The following CNTN4 variants were observed in gnomAD, a reference collection of about 807,000 sequenced individuals.
CNTN4 encodes contactin-4.
A neutral mutation model predicts 122.5 loss-of-function variants in CNTN4; 77 were observed. The ratio of observed to expected loss-of-function variants is 0.63; its 90% CI spans 0.52 to 0.76. The LOEUF (loss-of-function observed/expected upper bound fraction) is 0.76, where lower values mean the gene tolerates loss of function less well. CNTN4 is among the 30% of genes least tolerant of loss of function. The pLI is 0.00. For missense variants in CNTN4, 1,256 were observed against 1,259.1 expected, an observed-to-expected ratio of 1.00 and a Z score of 0.04; for synonymous variants, 512 against 447.0, an observed-to-expected ratio of 1.15 and a Z score of -1.83.
intron 4 of CNTN4, among the ~76,000 whole-genome samples, chr3:2,608,974 T>C (rs1034072443): frequency 2.6e-5 from 4 of 152,212 alleles, no homozygotes; most frequent in African/African-American, 7.2e-5. Flanking sequence ...TCTCCTTTCA[T>C]CTTCTCTGGA....
rs1450245836 is a variant in CNTN4 at position 2,591,653 on chromosome 3, C to A, written c.55+20095C>A. ...TGCTGGGATTACAGGCGTGAGCCACCGCGCCCGGCCGATTTGTGACTTTTT... is the reference window on the plus strand; with the variant it reads ...TGCTGGGATTACAGGCGTGAGCCACAGCGCCCGGCCGATTTGTGACTTTTT... On this transcript the variant is annotated intron_variant, in intron 4 of 24. Transcript: ENST00000418658. Among the ~76,000 whole-genome samples the A allele has an allele frequency of 3.9e-5, 2 of 51,538 alleles. 1 individual carries two copies. Among genetic ancestry groups the A allele is most frequent in the South Asian group, 1.7e-3 (2 of 1,208 alleles). The allele number at this position is 51,538 out of a possible 152,430, so 33.8% of individuals were successfully genotyped here.
intron 4 of CNTN4, among the ~76,000 whole-genome samples, chr3:2,721,653 C>G (rs2087862515): frequency 6.6e-6 from 1 of 152,184 alleles, no homozygotes; most frequent in African/African-American, 2.4e-5. Context: ...CCTCTTACTG[C>G]TACAGGGCTC....
At chr3:2,702,619 C>T (rs1430320499) in intron 4 of CNTN4, among the ~76,000 whole-genome samples, 3 of 152,094 alleles carry the variant, frequency 2.0e-5, no homozygotes, top group African/African-American at 4.8e-5. Flanking sequence ...TAGCATTTAC[C>T]CCCAGGCTTA....
chr3:2,587,641 T>G (rs2080263065), intron 4 of CNTN4, among the ~76,000 whole-genome samples: 1 of 152,210 alleles, frequency 6.6e-6, no homozygotes, highest in Non-Finnish European at 1.5e-5. Context: ...CCCTTATGAT[T>G]TCAGCTATGC....
intron 4 of CNTN4, among the ~76,000 whole-genome samples, chr3:2,662,438 A>G (rs1272626223): frequency 6.6e-6 from 1 of 152,210 alleles, no homozygotes; most frequent in Non-Finnish European, 1.5e-5. Flanking sequence ...GCTGCTAAAC[A>G]GGAAAAGAGA....
At position 2,256,603 on chromosome 3, in the gene CNTN4, C is replaced by T. The variant is rs187046829; in HGVS notation, c.-144-82575C>T. Reference sequence around the variant, plus strand: ...AAAATCTTATCCACCATGATCAAGTCATCTTCATCACTGGGATGCAAGGCT... The same window carrying T: ...AAAATCTTATCCACCATGATCAAGTTATCTTCATCACTGGGATGCAAGGCT... On this transcript the variant is annotated intron_variant, in intron 2 of 24. Transcript: ENST00000418658. Among the ~76,000 whole-genome samples the T allele has an allele frequency of 3.9e-4, 59 of 152,272 alleles. No homozygotes were observed. The East Asian group carries it at 0.011, about 27-fold the overall frequency.
At chr3:2,467,570 C>T (rs1341098186) in intron 3 of CNTN4, among the ~76,000 whole-genome samples, 1 of 152,036 alleles carries the variant, frequency 6.6e-6, no homozygotes, top group African/African-American at 2.4e-5. Context: ...GCCACTGTTC[C>T]CTCAAATGCG....
chr3:2,131,406 T>TG (rs1208892515), intron 2 of CNTN4, among the ~76,000 whole-genome samples: 4 of 152,072 alleles, frequency 2.6e-5, no homozygotes, highest in Middle Eastern at 3.2e-3. Context: ...AGGGGATAAT[T>TG]GGGGGAAAGA....
At chr3:2,780,487 T>C (rs897350772) in intron 6 of CNTN4, among the ~76,000 whole-genome samples, 1 of 152,232 alleles carries the variant, frequency 6.6e-6, no homozygotes, top group African/African-American at 2.4e-5. Context: ...TAAAAGACTA[T>C]ATATTTTTTA....
chr3:2,118,017 A>G (rs1300978460), intron 2 of CNTN4, among the ~76,000 whole-genome samples: 1 of 152,186 alleles, frequency 6.6e-6, no homozygotes, highest in Non-Finnish European at 1.5e-5. Flanking sequence ...TATTACAGAC[A>G]CTCTTAGATA....
Position 2,951,713 on chromosome 3 carries a change from G to A in CNTN4, c.1358+25934G>A, listed in dbSNP as rs143304743. ...ATGTGTATATCAGAAAAACAAAGGT[G>A]GCTCATCTCTCCACAGTAGTTTCAC... On this transcript the variant is annotated intron_variant, in intron 13 of 24. Transcript: ENST00000418658. Among the ~76,000 whole-genome samples the A allele has an allele frequency of 3.4e-3, 520 of 152,242 alleles. 3 individuals carry two copies. The highest frequency in any genetic ancestry group is 0.012 in the African/African-American group (491 of 41,534).
At chr3:2,296,523 A>G (rs992901076) in intron 2 of CNTN4, among the ~76,000 whole-genome samples, 1 of 152,188 alleles carries the variant, frequency 6.6e-6, no homozygotes, top group Non-Finnish European at 1.5e-5. Context: ...ACCATAATTG[A>G]CAAGTAATAA....
intron 4 of CNTN4, among the ~76,000 whole-genome samples, chr3:2,605,768 C>G (rs375182086): frequency 6.6e-6 from 1 of 152,112 alleles, no homozygotes; most frequent in African/African-American, 2.4e-5. Flanking sequence ...CAAAACCAAC[C>G]GATGTCCTGT....
At chr3:2,362,961 G>GCT (rs1553632915) in intron 3 of CNTN4, among the ~76,000 whole-genome samples, 9 of 151,734 alleles carry the variant, frequency 5.9e-5, no homozygotes, top group Non-Finnish European at 1.2e-4. Flanking sequence ...ATTACAGACT[G>GCT]TTTTTTTTCC....
intron 11 of CNTN4, among the ~76,000 whole-genome samples, chr3:2,901,709 C>T (rs2094175680): frequency 6.6e-6 from 1 of 152,136 alleles, no homozygotes; most frequent in South Asian, 2.1e-4. Context: ...GGAAATAAGG[C>T]TTTGTTCAGG....
chr3:2,894,704 A>C (rs1249281017), intron 10 of CNTN4, among the ~76,000 whole-genome samples: 1 of 152,120 alleles, frequency 6.6e-6, no homozygotes, highest in Admixed American at 6.5e-5. Context: ...TTGAAGATTA[A>C]AAAAATAAAA....
At chr3:2,132,021 G>C (rs1398036944) in intron 2 of CNTN4, among the ~76,000 whole-genome samples, 1 of 152,216 alleles carries the variant, frequency 6.6e-6, no homozygotes, top group East Asian at 1.9e-4. Context: ...AGCAGATGCA[G>C]TAGGGGAGAT....
intron 3 of CNTN4, among the ~76,000 whole-genome samples, chr3:2,414,261 T>G (rs1328478009): frequency 6.6e-6 from 1 of 152,226 alleles, no homozygotes; most frequent in Non-Finnish European, 1.5e-5. Context: ...AAACTGCACC[T>G]TCTTTGGGAG....
At chr3:2,806,494 A>G (rs2092471259) in intron 6 of CNTN4, among the ~76,000 whole-genome samples, 1 of 152,146 alleles carries the variant, frequency 6.6e-6, no homozygotes, top group African/African-American at 2.4e-5. Context: ...GAGGCAGAAA[A>G]CAGTAACTAT....
Sources: allele counts gnomAD v4.1 joint callset (sites outside exome capture counted in the v4.1 genomes callset), GRCh38; gene constraint gnomAD v4.1.1; transcripts MANE v1.5; gene names NCBI Gene and HGNC (gene_info 2026-07-23, HGNC 2026-07-21).